Variants in RNPEPL1 observed in about 807,000 individuals in gnomAD.
RNPEPL1 encodes arginyl aminopeptidase like 1.
RNPEPL1 carries 46 observed loss-of-function variants against 69.0 expected under a neutral mutation model. The observed-to-expected ratio is 0.67, with a 90% CI of 0.53 to 0.85. RNPEPL1 has a LOEUF of 0.85. Among genes scored for constraint, RNPEPL1 ranks in the 40% least tolerant of loss-of-function variants. The pLI is 0.00. For synonymous variants in RNPEPL1, 525 were observed against 454.1 expected, an observed-to-expected ratio of 1.16 and a Z score of -1.98; for missense variants, 869 against 992.5, an observed-to-expected ratio of 0.88 and a Z score of 1.67.
Position 240,577,507 on chromosome 2 carries a change from G to A in RNPEPL1, c.1885-92G>A, listed in dbSNP as rs2125450994. 6 of 1,399,088 alleles carry A rather than the reference G, an allele frequency of 4.3e-6. No homozygotes were observed. In the South Asian group the frequency reaches 7.1e-5, roughly 17 times the overall value. The allele number at this position is 1,399,088 out of a possible 1,614,324, so 86.7% of individuals were successfully genotyped here. The stretch of plus-strand genomic sequence containing the variant: ...CCCTAATGATGAAGCTGGGAAGCCA[G>A]GGGCAGGAGGGCCGCCTGGCCGGGC... On this transcript the variant is annotated intron_variant, in intron 10 of 10. Transcript: ENST00000270357.
Position 240,573,000 on chromosome 2 carries a change from G to A in RNPEPL1, c.670-110G>A, listed in dbSNP as rs569697222. On this transcript the variant is annotated intron_variant, in intron 2 of 10. Transcript: ENST00000270357. ...CTCTGACAGAAACGTTCCCTGATGG[G>A]GATGTAGGGTTTCCTGCTACGAATA... 6.6e-5 allele frequency: 83 copies of A among 1,253,144 alleles called. No individual in the cohort carries two copies. In the African/African-American group the frequency reaches 1.2e-3, roughly 18 times the overall value. The allele number at this position is 1,253,144 out of a possible 1,614,324, so 77.6% of individuals were successfully genotyped here.
chr2:240,569,023 G>A lies in RNPEPL1; in HGVS notation c.437G>A (p.Gly146Asp). ...AFRVDPFTDY[G>D]SSLTVTLPPE... ...AGGGTGGACCCGTTCACCGACTACG[G>A]CTCCTCGCTCACCGTCACGCTGCCG... The change falls in exon 1 of 11, where the codon GGC (glycine) becomes GAC (aspartate). Residue 146 changes from glycine to aspartate, a missense_variant. Physicochemically the swap from Gly to Asp is moderately conservative, Grantham distance 94. Around this residue, in one of 2 missense-constraint regions of RNPEPL1, gnomAD observed 259 missense variants for 201.5 expected, o/e 1.29. Coordinates refer to ENST00000270357, the MANE Select transcript of RNPEPL1 (RefSeq NM_018226.6). 1.3e-6 allele frequency: 2 copies of A among 1,510,768 alleles called. No individual in the cohort carries two copies. The highest frequency in any genetic ancestry group is 4.4e-4 in the Middle Eastern group (2 of 4,528). 93.6% of individuals were successfully genotyped at this position (1,510,768 alleles called of 1,614,324 possible).
At chr2:240,577,096 C>T in intron 10 of RNPEPL1, 106 bp downstream of exon 10, 1 of 1,431,764 alleles carries the variant, frequency 7.0e-7, no homozygotes, top group Non-Finnish European at 9.6e-7. Flanking sequence ...CAGGCACATT[C>T]TGGAGAATGG....
At position 240,576,667 on chromosome 2, in the gene RNPEPL1, C is replaced by T; in HGVS notation, c.1643C>T (p.Ala548Val). 1 of 1,613,018 alleles carries T rather than the reference C, an allele frequency of 6.2e-7. No homozygotes were observed. The highest frequency in any genetic ancestry group is 8.5e-7 in the Non-Finnish European group (1 of 1,179,972). The change falls in exon 9 of 11, where the codon GCA becomes GTA. Residue 548 changes from alanine to valine, a missense_variant. Transcript: ENST00000270357. ...QLWTAEPLDQ[A>V]AASASAIDIS... The stretch of plus-strand genomic sequence containing the variant: ...TGGACCGCAGAACCTCTGGACCAGG[C>T]AGCTGCCTCGGCCAGCGCCATTGAC...
chr2:240,575,141 G>A lies in RNPEPL1; in HGVS notation c.1400G>A (p.Arg467Gln), dbSNP rs759775305. 7 of 1,611,632 alleles carry A rather than the reference G, an allele frequency of 4.3e-6. No homozygotes were observed. The highest frequency in any genetic ancestry group is 4.5e-5 in the East Asian group (2 of 44,882). The change falls in exon 7 of 11, where the codon CGA (arginine) becomes CAA (glutamine). Residue 467 changes from arginine (R) to glutamine (Q), a missense_variant and splice_region_variant. By Grantham distance (43) the Arg-to-Gln change is conservative. Transcript: ENST00000270357. ...GDPQRFDDFL[R>Q]AYVEKYKFTS... ...CCACAGCGCTTTGATGACTTTCTCC[G>A]AGTGAGCAGCCCCCTGCCCGGGACG...
At chr2:240,569,479 G>A (rs897295921) in intron 1 of RNPEPL1, among the ~76,000 whole-genome samples, 1 of 152,254 alleles carries the variant, frequency 6.6e-6, no homozygotes. Context: ...GCGTGCAGAT[G>A]AGTCCAAGCC....
At chr2:240,570,432 T>A (rs2093017979) in intron 1 of RNPEPL1, among the ~76,000 whole-genome samples, 2 of 152,330 alleles carry the variant, frequency 1.3e-5, no homozygotes, top group East Asian at 3.9e-4. Flanking sequence ...CCGCCCTACT[T>A]GCAGAAGGCA....
rs1323486789 is a variant in RNPEPL1 at position 240,568,687 on chromosome 2, C to G, written c.101C>G (p.Ser34Cys). ...CCCGCCCTGGACGTGGCCTCGGCCT[C>G]CAGCGCGCAGCTCTTCCGCCTCCGC... ...PPPALDVASA[S>C]SAQLFRLRHL... The change falls in exon 1 of 11, where the codon TCC (serine) becomes TGC (cysteine). Residue 34 changes from serine (S) to cysteine (C), a missense_variant. Ser to Cys is a moderately radical substitution (Grantham distance 112). Around this residue, in one of 2 missense-constraint regions of RNPEPL1, gnomAD observed 259 missense variants for 201.5 expected, o/e 1.29. Coordinates refer to ENST00000270357, the MANE Select transcript of RNPEPL1 (RefSeq NM_018226.6). The surrounding 1 kb of genome is among the most constrained non-coding windows in gnomAD (Gnocchi z 6.2). The G allele has an allele frequency of 2.8e-6, 3 of 1,054,622 alleles. No homozygotes were observed. The highest frequency in any genetic ancestry group is 5.1e-5 in the Admixed American group (1 of 19,796). The allele number at this position is 1,054,622 out of a possible 1,614,324, so 65.3% of individuals were successfully genotyped here.
At chr2:240,575,714 G>T in intron 8 of RNPEPL1, 104 bp downstream of exon 8, 1 of 846,046 alleles carries the variant, frequency 1.2e-6, no homozygotes. Context: ...AGCCCTGTCA[G>T]TTCACTGTCT....
At chr2:240,573,285 C>A in intron 3 of RNPEPL1, 24 bp downstream of exon 3, 2 of 1,547,946 alleles carry the variant, frequency 1.3e-6, no homozygotes, top group Non-Finnish European at 1.7e-6. Flanking sequence ...CTGGGGCCTT[C>A]TGGGGCTGCG....
In RNPEPL1 at chr2:240,574,042, G is replaced by A. The variant is rs2093030458; in HGVS notation, c.939-71G>A. The A allele has an allele frequency of 2.1e-6, 3 of 1,460,948 alleles. No homozygotes were observed. The African/African-American group carries it at 4.2e-5, about 20-fold the overall frequency. 90.5% of individuals were successfully genotyped at this position (1,460,948 alleles called of 1,614,324 possible). A position where few individuals can be genotyped will look rare whatever the true frequency, so the allele number is the denominator to read the frequency against. On this transcript the variant is annotated intron_variant, in intron 4 of 10. Transcript: ENST00000270357. ...TGGGCTGATCCCTGCTGGGTGGAAG[G>A]TGGGGTGCGGGTGTGCAGGGTGGGA...
chr2:240,574,261 G>A lies in RNPEPL1; in HGVS notation c.1087G>A (p.Ala363Thr), dbSNP rs748576217. The change falls in exon 5 of 11, where the codon GCT (alanine) becomes ACT (threonine). Residue 363 changes from alanine to threonine, a missense_variant. Coordinates refer to ENST00000270357, the MANE Select transcript of RNPEPL1 (RefSeq NM_018226.6). ...HEVAHSWFGN[A>T]VTNATWEEMW... Reference sequence around the variant, plus strand: ...GGTGGCCCACAGTTGGTTCGGCAACGCTGTCACCAACGCCACGTGGGAAGA... The same window carrying A: ...GGTGGCCCACAGTTGGTTCGGCAACACTGTCACCAACGCCACGTGGGAAGA... The A allele has an allele frequency of 5.3e-5, 86 of 1,612,302 alleles. 1 individual carries two copies. The highest frequency in any genetic ancestry group is 3.3e-4 in the Middle Eastern group (2 of 6,082).
In RNPEPL1 at chr2:240,578,071, G is replaced by C. The variant is rs1016457008; in HGVS notation, c.*179G>C. The C allele has an allele frequency of 9.2e-6, 5 of 545,716 alleles. No homozygotes were observed. The East Asian group carries it at 9.4e-5, about 10-fold the overall frequency. The allele number at this position is 545,716 out of a possible 1,614,324, so 33.8% of individuals were successfully genotyped here. On this transcript the variant is annotated 3_prime_UTR_variant, in exon 11 of 11. Coordinates refer to ENST00000270357, the MANE Select transcript of RNPEPL1 (RefSeq NM_018226.6). The stretch of plus-strand genomic sequence containing the variant: ...GAGGGACCTCCTTGTGTCTGGCAGA[G>C]ACCTGTGGACCTGGCCTCCCCACTC...
intron 1 of RNPEPL1, among the ~76,000 whole-genome samples, chr2:240,571,052 C>T (rs1231827225): frequency 6.6e-6 from 1 of 152,076 alleles, no homozygotes; most frequent in African/African-American, 2.4e-5. Context: ...GTTGGGGAGA[C>T]TCCTGCAGGG....
intron 2 of RNPEPL1, 41 bp from the exon 3 acceptor site, chr2:240,573,069 T>C (rs2093026606): frequency 6.5e-7 from 1 of 1,549,092 alleles, no homozygotes; most frequent in Non-Finnish European, 8.7e-7. Flanking sequence ...ATGGGTGTGC[T>C]GACGGTGGGG....
intron 1 of RNPEPL1, among the ~76,000 whole-genome samples, chr2:240,570,149 G>A (rs779816738): frequency 6.6e-6 from 1 of 152,242 alleles, no homozygotes; most frequent in African/African-American, 2.4e-5. Flanking sequence ...GAGAACTGAG[G>A]GATGGGCTTC....
In RNPEPL1 at chr2:240,577,914, C is replaced by A; in HGVS notation, c.*22C>A. On this transcript the variant is annotated 3_prime_UTR_variant, in exon 11 of 11. Transcript: ENST00000270357. ...CTAGCCCTGTTGGCGGGCTGACCCT[C>A]GACCTCCCAGACACCACAATTGTGC... 2 of 1,465,542 alleles carry A rather than the reference C, an allele frequency of 1.4e-6. No individual in the cohort carries two copies. Among genetic ancestry groups the A allele is most frequent in the Non-Finnish European group, 9.1e-7 (1 of 1,100,494 alleles). The allele number at this position is 1,465,542 out of a possible 1,614,324, so 90.8% of individuals were successfully genotyped here. A position where few individuals can be genotyped will look rare whatever the true frequency, so the allele number is the denominator to read the frequency against.
intron 1 of RNPEPL1, 146 bp downstream of exon 1, chr2:240,569,260 T>C: frequency 1.1e-6 from 1 of 899,116 alleles, no homozygotes; most frequent in Non-Finnish European, 1.5e-6. Context: ...AGCTGTTGCC[T>C]GTGAGCCCTT....
intron 1 of RNPEPL1, among the ~76,000 whole-genome samples, chr2:240,572,121 C>T (rs960335463): frequency 1.4e-4 from 21 of 152,126 alleles, no homozygotes; most frequent in East Asian, 3.9e-4. Context: ...TCCCTTTTTT[C>T]GCCTTGGCGT....
Sources: gnomAD v4.1 joint callset for allele counts (sites outside exome capture counted in the v4.1 genomes callset) on GRCh38, gnomAD v4.1.1 for gene constraint, gnomAD v4.1.1 regional missense constraint, Gnocchi (gnomAD v3.1) non-coding constraint, MANE v1.5 for transcripts, NCBI Gene and HGNC (gene_info 2026-07-23, HGNC 2026-07-21) for gene names.